PRKN: variants seen among roughly 807,000 people sequenced by gnomAD.
The protein encoded by PRKN is parkin RBR E3 ubiquitin protein ligase, also known as E3 ubiquitin-protein ligase parkin.
Under a neutral mutation model 59.5 loss-of-function variants are expected in PRKN, and 56 were observed. That is an observed-to-expected ratio of 0.94 (90% CI 0.76 to 1.18). The LOEUF (loss-of-function observed/expected upper bound fraction) is 1.18. Among genes scored for constraint, PRKN ranks in the 50% most tolerant of loss-of-function variants. The pLI, the probability that PRKN is intolerant of heterozygous loss-of-function variation, is 0.00. For synonymous variants in PRKN, 250 were observed against 222.1 expected, an observed-to-expected ratio of 1.13 and a Z score of -1.12; for missense variants, 657 against 596.4, an observed-to-expected ratio of 1.10 and a Z score of -1.06.
chr6:161,941,680 A>C (rs900437309), intron 6 of PRKN, among the ~76,000 whole-genome samples: 1 of 152,054 alleles, frequency 6.6e-6, no homozygotes, highest in Non-Finnish European at 1.5e-5. Context: ...AGCTGTAAAC[A>C]TTCACCCCTA....
At chr6:162,037,455 G>T (rs559963003) in intron 5 of PRKN, among the ~76,000 whole-genome samples, 2 of 152,002 alleles carry the variant, frequency 1.3e-5, no homozygotes, top group Admixed American at 1.3e-4. Flanking sequence ...ACACACACAC[G>T]CACATGGAAA....
intron 9 of PRKN, among the ~76,000 whole-genome samples, chr6:161,426,066 G>T (rs1788340192): frequency 6.6e-6 from 1 of 152,114 alleles, no homozygotes; most frequent in Admixed American, 6.5e-5. Context: ...GGTTAAGGGG[G>T]TGCCTGTGTA....
intron 6 of PRKN, among the ~76,000 whole-genome samples, chr6:161,834,896 C>A (rs538093433): frequency 6.6e-6 from 1 of 152,276 alleles, no homozygotes; most frequent in Non-Finnish European, 1.5e-5. Flanking sequence ...GGATGAGCCA[C>A]CCCACCTAGC....
rs1562356451 is a variant in PRKN at position 161,874,932 on chromosome 6, T to TAA, written c.735-89026_735-89025dup. On this transcript the variant is annotated intron_variant, in intron 6 of 11. Coordinates refer to ENST00000366898, the MANE Select transcript of PRKN (RefSeq NM_004562.3). ...ATTATAAAATATAAAATATAAAATA[T>TAA]AATATAATATATTATAGGTACTTTA... Among the ~76,000 whole-genome samples the TAA allele has an allele frequency of 1.2e-4, 13 of 108,134 alleles. 2 individuals are homozygous for TAA. Among genetic ancestry groups the TAA allele is most frequent in the African/African-American group, 5.4e-4 (13 of 24,054 alleles). The allele number at this position is 108,134 out of a possible 152,430, so 70.9% of individuals were successfully genotyped here.
chr6:162,243,887 C>A (rs1197512763), intron 3 of PRKN, among the ~76,000 whole-genome samples: 1 of 152,000 alleles, frequency 6.6e-6, no homozygotes, highest in East Asian at 1.9e-4. Flanking sequence ...GGATGTAATT[C>A]ACGAATATAT....
chr6:161,930,278 G>A (rs1779124020), intron 6 of PRKN, among the ~76,000 whole-genome samples: 2 of 152,166 alleles, frequency 1.3e-5, no homozygotes, highest in Non-Finnish European at 2.9e-5. Flanking sequence ...AATATTTTAT[G>A]AAATGAAACA....
chr6:162,166,117 T>G (rs1233346321), intron 4 of PRKN, among the ~76,000 whole-genome samples: 2 of 151,542 alleles, frequency 1.3e-5, no homozygotes, highest in Non-Finnish European at 2.9e-5. Flanking sequence ...CAACAAATGT[T>G]TACCTTGTTG....
chr6:161,914,668 A>G (rs1041791204), intron 6 of PRKN, among the ~76,000 whole-genome samples: 5 of 152,126 alleles, frequency 3.3e-5, no homozygotes, highest in African/African-American at 9.7e-5. Flanking sequence ...TTGGCCTCAT[A>G]CATGGATATA....
At chr6:162,197,442 CT>C (rs1784540260) in intron 4 of PRKN, among the ~76,000 whole-genome samples, 1 of 151,856 alleles carries the variant, frequency 6.6e-6, no homozygotes, top group South Asian at 2.1e-4. Flanking sequence ...TTAATTGTCC[CT>C]AAATCCATAA....
intron 2 of PRKN, among the ~76,000 whole-genome samples, chr6:162,350,259 A>G (rs1228586631): frequency 2.0e-5 from 3 of 152,168 alleles, no homozygotes; most frequent in Non-Finnish European, 4.4e-5. Context: ...AGTGTTGTCA[A>G]AATATCAATA....
rs1778382718 is a variant in PRKN, at chr6:162,650,504, AG to A, written c.7+77157del. ...TCCCAGCTACTTGGGAGGCTGAGGC[AG>A]GAGAATGGCGTGACCCCGGGAGGCG... is the stretch of plus-strand genomic sequence containing the variant. On this transcript the variant is annotated intron_variant, in intron 1 of 11. Transcript: ENST00000366898. Among the ~76,000 whole-genome samples the A allele has an allele frequency of 3.4e-5, 5 of 147,900 alleles. No individual in the cohort carries two copies. The South Asian group carries it at 1.1e-3, about 32-fold the overall frequency.
chr6:162,022,429 A>T (rs1479369481), intron 5 of PRKN, among the ~76,000 whole-genome samples: 1 of 152,152 alleles, frequency 6.6e-6, no homozygotes, highest in Non-Finnish European at 1.5e-5. Flanking sequence ...TCTGATGATT[A>T]GATGTTGAAC....
intron 6 of PRKN, among the ~76,000 whole-genome samples, chr6:161,854,084 T>A (rs1230854959): frequency 6.2e-3 from 633 of 102,806 alleles, no homozygotes; most frequent in African/African-American, 7.6e-3. Context: ...TGTTTCTACA[T>A]AAAAAAAAAA....
rs113021469 is a variant in PRKN at position 161,545,791 on chromosome 6, T to C, written c.1083+3063A>G. 6.6e-5 allele frequency among the ~76,000 whole-genome samples: 10 copies of C among 152,342 alleles called. No homozygotes were observed. The highest frequency in any genetic ancestry group is 2.2e-4 in the African/African-American group (9 of 41,582). On this transcript the variant is annotated intron_variant, in intron 9 of 11. Transcript: ENST00000366898. The surrounding 1 kb of genome is among the most constrained non-coding windows in gnomAD (Gnocchi z 4.1). ...GAAAACCTTATCAGCTGGTTTAACA[T>C]CCTTAAAGGCAACTTTCCTCAGGAC...
At chr6:162,626,164 A>G (rs1019622938) in intron 1 of PRKN, among the ~76,000 whole-genome samples, 2 of 152,218 alleles carry the variant, frequency 1.3e-5, no homozygotes, top group Non-Finnish European at 2.9e-5. Flanking sequence ...TATTTCTGGT[A>G]GATTTGGGGT....
intron 5 of PRKN, among the ~76,000 whole-genome samples, chr6:161,989,637 G>T (rs189007390): frequency 6.6e-6 from 1 of 152,132 alleles, no homozygotes; most frequent in African/African-American, 2.4e-5. Context: ...CACTATTGGG[G>T]ACCTGAGGAC....
In PRKN at chr6:161,785,911, G is replaced by A. The variant is rs1790399654; in HGVS notation, c.735-3C>T. On this transcript the variant is annotated splice_region_variant and splice_polypyrimidine_tract_variant and intron_variant, in intron 6 of 11. Coordinates refer to ENST00000366898, the MANE Select transcript of PRKN (RefSeq NM_004562.3). Reference sequence around the variant, plus strand: ...ACTGGAAAACCAGGACGGGGCTCCTGCAGAGAGAAAGGAAGATGTTTCCTC... The same window carrying A: ...ACTGGAAAACCAGGACGGGGCTCCTACAGAGAGAAAGGAAGATGTTTCCTC... 6.2e-7 allele frequency: 1 copy of A among 1,614,010 alleles called. No individual in the cohort carries two copies. Among genetic ancestry groups the A allele is most frequent in the Non-Finnish European group, 8.5e-7 (1 of 1,179,954 alleles).
chr6:162,715,259 G>A (rs1262811187), intron 1 of PRKN, among the ~76,000 whole-genome samples: 1 of 152,122 alleles, frequency 6.6e-6, no homozygotes, highest in Non-Finnish European at 1.5e-5. Context: ...ACAAACCGGA[G>A]GCAAGGACAA....
chr6:162,313,266 A>T (rs1782604824), intron 2 of PRKN, among the ~76,000 whole-genome samples: 1 of 151,956 alleles, frequency 6.6e-6, no homozygotes, highest in South Asian at 2.1e-4. Flanking sequence ...AATAACTCTC[A>T]ATCTCCCCCT....
Sources: allele counts gnomAD v4.1 joint callset (sites outside exome capture counted in the v4.1 genomes callset), GRCh38; gene constraint gnomAD v4.1.1; non-coding constraint Gnocchi (gnomAD v3.1); transcripts MANE v1.5; gene names NCBI Gene and HGNC (gene_info 2026-07-23, HGNC 2026-07-21).